SEMA6D: variants seen among roughly 807,000 people sequenced by gnomAD.
The protein encoded by SEMA6D is semaphorin 6D.
A neutral mutation model predicts 106.6 loss-of-function variants in SEMA6D; 35 were observed. That is an observed-to-expected ratio of 0.33 (90% CI 0.25 to 0.44). The LOEUF is 0.44. SEMA6D is among the 20% of genes least tolerant of loss of function. The pLI, the probability that SEMA6D is intolerant of heterozygous loss-of-function variation, is 1.00. For missense variants in SEMA6D, 1,185 were observed against 1,345.9 expected (o/e 0.88, Z 1.87); for synonymous variants, 499 against 487.7 (o/e 1.02, Z -0.31).
Position 47,759,776 on chromosome 15 carries a change from C to T in SEMA6D, c.-23C>T. On this transcript the variant is annotated 5_prime_UTR_variant, in exon 2 of 19. Transcript: ENST00000536845. ...CAGTGGCATTTCTGAGCAGGGGCCA[C>T]CCTGACTTCACCTTGGCCCACCATG... is the stretch of plus-strand genomic sequence containing the variant. 4 of 1,581,240 alleles carry T rather than the reference C, an allele frequency of 2.5e-6. No individual in the cohort carries two copies. The highest frequency in any genetic ancestry group is 3.5e-6 in the Non-Finnish European group (4 of 1,150,170).
chr15:47,625,518 C>T (rs1427011520), intron 4 of SEMA6D, among the ~76,000 whole-genome samples: 1 of 151,922 alleles, frequency 6.6e-6, no homozygotes, highest in East Asian at 1.9e-4. Context: ...AGGCAAATTG[C>T]TTGAGCTCAG....
intron 1 of SEMA6D, among the ~76,000 whole-genome samples, chr15:47,249,082 G>C (rs2033362069): frequency 6.6e-6 from 1 of 152,174 alleles, no homozygotes; most frequent in East Asian, 1.9e-4. Context: ...ACAAACATTA[G>C]CCGGCCATGA....
At chr15:47,379,905 G>C (rs1015791659) in intron 1 of SEMA6D, among the ~76,000 whole-genome samples, 11 of 151,438 alleles carry the variant, frequency 7.3e-5, no homozygotes, top group African/African-American at 2.7e-4. Flanking sequence ...CTACAGGCAT[G>C]CCCCACCACG....
At chr15:47,500,836 GC>G (rs1452700133) in intron 3 of SEMA6D, among the ~76,000 whole-genome samples, 1 of 152,122 alleles carries the variant, frequency 6.6e-6, no homozygotes, top group Non-Finnish European at 1.5e-5. Context: ...AGGTACATTT[GC>G]CTATGCTTAC....
chr15:47,556,033 A>G (rs1438600085), intron 3 of SEMA6D, among the ~76,000 whole-genome samples: 2 of 152,168 alleles, frequency 1.3e-5, no homozygotes, highest in African/African-American at 4.8e-5. Context: ...ACTTTGTGAC[A>G]GTGAGAATAA....
At chr15:47,422,844 C>A (rs1197647975) in intron 2 of SEMA6D, among the ~76,000 whole-genome samples, 1 of 151,974 alleles carries the variant, frequency 6.6e-6, no homozygotes, top group African/African-American at 2.4e-5. Context: ...TTCTTATGCT[C>A]TCCAGAATAT....
At chr15:47,722,356 T>A (rs546853383) in intron 1 of SEMA6D, among the ~76,000 whole-genome samples, 1 of 152,312 alleles carries the variant, frequency 6.6e-6, no homozygotes, top group East Asian at 1.9e-4. Context: ...AAGACCTTTT[T>A]TGGTGAACTG....
rs767506781 is a variant in SEMA6D at position 47,312,244 on chromosome 15, C to T, written c.-238-100149C>T. ...CTCCTTCTGTCTTTTTGTGTTTAGT[C>T]TCTTCCTGTCTCCATCATGTGAACT... On this transcript the variant is annotated intron_variant, in intron 1 of 19. Coordinates refer to the SEMA6D transcript ENST00000558014. 2.0e-5 allele frequency among the ~76,000 whole-genome samples: 3 copies of T among 150,264 alleles called. No individual in the cohort carries two copies. The South Asian group carries it at 6.4e-4, about 32-fold the overall frequency.
At chr15:47,334,571 C>T (rs575303052) in intron 1 of SEMA6D, among the ~76,000 whole-genome samples, 1 of 152,296 alleles carries the variant, frequency 6.6e-6, no homozygotes, top group East Asian at 1.9e-4. Context: ...CAGAAGTCTT[C>T]TGTGTTGATT....
At chr15:47,325,846 TA>T (rs1419303937) in intron 1 of SEMA6D, among the ~76,000 whole-genome samples, 1 of 152,146 alleles carries the variant, frequency 6.6e-6, no homozygotes, top group East Asian at 1.9e-4. Context: ...CTTCTGGAGT[TA>T]AAAAATAAAA....
At chr15:47,625,761 T>C (rs1343874347) in intron 4 of SEMA6D, among the ~76,000 whole-genome samples, 1 of 151,058 alleles carries the variant, frequency 6.6e-6, no homozygotes, top group African/African-American at 2.4e-5. Flanking sequence ...ATAGGAATGT[T>C]TATTTATTTA....
At chr15:47,446,005 C>T (rs548870882) in intron 2 of SEMA6D, among the ~76,000 whole-genome samples, 1 of 152,260 alleles carries the variant, frequency 6.6e-6, no homozygotes, top group East Asian at 1.9e-4. Context: ...CTCTTCCCTT[C>T]CCCCTCAAGG....
At chr15:47,740,141 C>T (rs1194717053) in intron 1 of SEMA6D, among the ~76,000 whole-genome samples, 1 of 152,128 alleles carries the variant, frequency 6.6e-6, no homozygotes, top group Non-Finnish European at 1.5e-5. Flanking sequence ...TCCAGGAACT[C>T]CTGAGGGTTT....
intron 3 of SEMA6D, among the ~76,000 whole-genome samples, chr15:47,550,234 G>T (rs746735183): frequency 6.6e-6 from 1 of 152,092 alleles, no homozygotes; most frequent in Non-Finnish European, 1.5e-5. Context: ...TTGATGCAGG[G>T]CAAGAATAAC....
intron 3 of SEMA6D, among the ~76,000 whole-genome samples, chr15:47,517,608 G>A (rs60512551): frequency 0.1 from 15,378 of 152,000 alleles, 1,070 homozygotes; most frequent in East Asian, 0.33. Flanking sequence ...TATTTGTTTC[G>A]TCTTTCTTCC....
intron 4 of SEMA6D, among the ~76,000 whole-genome samples, chr15:47,673,450 GCTGT>G (rs1341039248): frequency 2.6e-5 from 4 of 152,016 alleles, no homozygotes; most frequent in Non-Finnish European, 4.4e-5. Context: ...CCTTCAAATG[GCTGT>G]CTCCCAGAAT....
intron 4 of SEMA6D, among the ~76,000 whole-genome samples, chr15:47,698,622 T>C (rs1182941478): frequency 6.6e-6 from 1 of 152,204 alleles, no homozygotes; most frequent in Non-Finnish European, 1.5e-5. Context: ...CTTTTTCCCT[T>C]CTTCCATCTT....
At chr15:47,710,040 A>C (rs1279827765) in intron 4 of SEMA6D, among the ~76,000 whole-genome samples, 1 of 152,204 alleles carries the variant, frequency 6.6e-6, no homozygotes, top group Non-Finnish European at 1.5e-5. Flanking sequence ...CCCCTTTTAC[A>C]AGCAAAAGCC....
Position 47,610,928 on chromosome 15 carries a change from A to G in SEMA6D, c.-55+10032A>G, listed in dbSNP as rs113397247. Among the ~76,000 whole-genome samples, 274 of 152,338 alleles carry G rather than the reference A, an allele frequency of 1.8e-3. 1 individual carries two copies. The highest frequency in any genetic ancestry group is 6.4e-3 in the African/African-American group (265 of 41,570). On this transcript the variant is annotated intron_variant, in intron 4 of 19. Transcript: ENST00000558014. ...TATTTAAGGAATGACTATATGTTAT[A>G]TGGCAGTTAAAAAGATTTTAAAACA...
Sources: gnomAD v4.1 joint callset for allele counts (sites outside exome capture counted in the v4.1 genomes callset) on GRCh38, gnomAD v4.1.1 for gene constraint, MANE v1.5 for transcripts, NCBI Gene and HGNC (gene_info 2026-07-23, HGNC 2026-07-21) for gene names.